Variants in CACNA1C observed in about 807,000 individuals in gnomAD.
CACNA1C encodes the protein voltage-dependent L-type calcium channel subunit alpha-1C.
A neutral mutation model predicts 229.0 loss-of-function variants in CACNA1C; 30 were observed. The ratio of observed to expected loss-of-function variants is 0.13; its 90% CI spans 0.10 to 0.18. The LOEUF is 0.18. Among genes scored for constraint, CACNA1C ranks in the 10% least tolerant of loss-of-function variants. The pLI, the probability that CACNA1C is intolerant of heterozygous loss-of-function variation, is 1.00. For synonymous variants in CACNA1C, 1,114 were observed against 1,132.5 expected (o/e 0.98, Z 0.33); for missense variants, 1,658 against 2,845.0 (o/e 0.58, Z 9.49).
chr12:2,428,824 A>T (rs960209882), intron 3 of CACNA1C, among the ~76,000 whole-genome samples: 1 of 152,212 alleles, frequency 6.6e-6, no homozygotes, highest in Non-Finnish European at 1.5e-5. Context: ...GCTGATGCTG[A>T]TGTTTAGCCT....
chr12:2,529,040 G>C (rs944046645), intron 9 of CACNA1C, among the ~76,000 whole-genome samples: 1 of 152,192 alleles, frequency 6.6e-6, no homozygotes, highest in African/African-American at 2.4e-5. Context: ...TTATACATCA[G>C]AGATGTTATC....
At chr12:2,555,664 ACAGG>A (rs1362609099) in intron 10 of CACNA1C, among the ~76,000 whole-genome samples, 1 of 152,168 alleles carries the variant, frequency 6.6e-6, no homozygotes, top group Non-Finnish European at 1.5e-5. Flanking sequence ...TCCAGCCCTC[ACAGG>A]CAGTCTTTGC....
chr12:2,173,251 A>C (rs2096549665), intron 3 of CACNA1C, among the ~76,000 whole-genome samples: 1 of 152,188 alleles, frequency 6.6e-6, no homozygotes, highest in South Asian at 2.1e-4. Flanking sequence ...AGAATTAGAG[A>C]GTTACCAAGG....
intron 3 of CACNA1C, among the ~76,000 whole-genome samples, chr12:2,430,579 G>GA (rs1567635110): frequency 6.6e-6 from 1 of 152,102 alleles, no homozygotes; most frequent in African/African-American, 2.4e-5. Context: ...AGGTGGTGGG[G>GA]GGGTCCGAGC....
chr12:2,633,979 C>T lies in CACNA1C; in HGVS notation c.3829-318C>T, dbSNP rs1306426894. Among the ~76,000 whole-genome samples the T allele has an allele frequency of 1.3e-5, 2 of 152,130 alleles. No homozygotes were observed. Among genetic ancestry groups the T allele is most frequent in the East Asian group, 1.9e-4 (1 of 5,150 alleles). ...GCGTGGAGCTGAGCAGAGGGAGTGG[C>T]GGTGCAGGGGACACACCGCCCGGCT... On this transcript the variant is annotated intron_variant, in intron 29 of 46. Transcript: ENST00000399655. The surrounding 1 kb of genome is among the most constrained non-coding windows in gnomAD (Gnocchi z 5.8).
chr12:2,121,264 C>T (rs1249510355), intron 3 of CACNA1C, among the ~76,000 whole-genome samples: 3 of 152,174 alleles, frequency 2.0e-5, no homozygotes, highest in Non-Finnish European at 2.9e-5. Context: ...TTTCCCCTGC[C>T]GTCAGTACCT....
chr12:2,170,211 T>C (rs1405619587), intron 3 of CACNA1C, among the ~76,000 whole-genome samples: 2 of 152,232 alleles, frequency 1.3e-5, no homozygotes, highest in Non-Finnish European at 2.9e-5. Flanking sequence ...AAGGACGCTT[T>C]GCATTTTTGG....
At chr12:2,381,669 C>T (rs937037009) in intron 3 of CACNA1C, among the ~76,000 whole-genome samples, 2 of 152,194 alleles carry the variant, frequency 1.3e-5, no homozygotes, top group Non-Finnish European at 2.9e-5. Flanking sequence ...ATTGGGCAGC[C>T]TTGGTGGTTT....
chr12:2,180,959 T>C (rs150146377), intron 3 of CACNA1C, among the ~76,000 whole-genome samples: 1 of 152,308 alleles, frequency 6.6e-6, no homozygotes, highest in African/African-American at 2.4e-5. Context: ...GTAGCAGTTC[T>C]GATGACAACA....
chr12:2,656,490 A>G (rs1483298061), intron 34 of CACNA1C, among the ~76,000 whole-genome samples: 1 of 152,262 alleles, frequency 6.6e-6, no homozygotes, highest in Non-Finnish European at 1.5e-5. Flanking sequence ...AATATTGTTA[A>G]AATGACCATA....
intron 7 of CACNA1C, among the ~76,000 whole-genome samples, chr12:2,503,313 G>A (rs1192236441): frequency 6.6e-6 from 1 of 152,238 alleles, no homozygotes; most frequent in Non-Finnish European, 1.5e-5. Flanking sequence ...ACACTTGTGT[G>A]CCTTGGAAGT....
chr12:2,254,077 C>T (rs1034656908), intron 3 of CACNA1C, among the ~76,000 whole-genome samples: 2 of 152,148 alleles, frequency 1.3e-5, no homozygotes, highest in Non-Finnish European at 2.9e-5. Context: ...CACCTGGGCA[C>T]TTCTTAGTTT....
rs1236222451 is a variant in CACNA1C at position 2,597,833 on chromosome 12, C to A, written c.2853+544C>A. On this transcript the variant is annotated intron_variant, in intron 21 of 46. Transcript: ENST00000399655. This position sits in a 1 kb window ranked among gnomAD's most constrained non-coding sequence, Gnocchi z 4.3. ...CGCCAGACATACATGCCCACATGCA[C>A]CAGCTCCGGTTAACTGATACCTGAG... 6.6e-6 allele frequency among the ~76,000 whole-genome samples: 1 copy of A among 152,220 alleles called. No individual in the cohort carries two copies. The highest frequency in any genetic ancestry group is 1.9e-4 in the East Asian group (1 of 5,190).
chr12:2,353,411 T>C (rs1828663186), intron 3 of CACNA1C, among the ~76,000 whole-genome samples: 1 of 152,234 alleles, frequency 6.6e-6, no homozygotes, highest in Non-Finnish European at 1.5e-5. Flanking sequence ...AGCGCTTCTA[T>C]GCTGCTGCCT....
intron 3 of CACNA1C, among the ~76,000 whole-genome samples, chr12:2,231,708 T>C (rs78639511): frequency 0.043 from 6,571 of 152,206 alleles, 171 homozygotes; most frequent in Middle Eastern, 0.071. Context: ...CAGGACCTAA[T>C]TGTTCGCTAG....
intron 29 of CACNA1C, among the ~76,000 whole-genome samples, chr12:2,617,809 G>A (rs1294182244): frequency 6.6e-6 from 1 of 152,214 alleles, no homozygotes; most frequent in Non-Finnish European, 1.5e-5. Flanking sequence ...CATATGGATG[G>A]GCAGAGGGAA....
chr12:2,105,560 G>A (rs1399380756), intron 1 of CACNA1C, among the ~76,000 whole-genome samples: 1 of 152,110 alleles, frequency 6.6e-6, no homozygotes, highest in Non-Finnish European at 1.5e-5. Context: ...CGGGCGCATC[G>A]GGAAACCACT....
intron 3 of CACNA1C, among the ~76,000 whole-genome samples, chr12:2,162,499 AAAG>A (rs2095933673): frequency 6.6e-6 from 1 of 152,068 alleles, no homozygotes; most frequent in African/African-American, 2.4e-5. Context: ...AAAATAAATA[AAAG>A]AAGGAGGAGG....
intron 3 of CACNA1C, among the ~76,000 whole-genome samples, chr12:2,172,166 A>C (rs1364282188): frequency 6.6e-6 from 1 of 152,216 alleles, no homozygotes; most frequent in Non-Finnish European, 1.5e-5. Flanking sequence ...TGTGTGTGGC[A>C]GTACACACAG....
Sources: gnomAD v4.1 joint callset for allele counts (sites outside exome capture counted in the v4.1 genomes callset) on GRCh38, gnomAD v4.1.1 for gene constraint, Gnocchi (gnomAD v3.1) non-coding constraint, MANE v1.5 for transcripts, NCBI Gene and HGNC (gene_info 2026-07-23, HGNC 2026-07-21) for gene names.